The following LARP6 variants were observed in gnomAD, a reference collection of about 807,000 sequenced individuals.
LARP6 encodes the protein La ribonucleoprotein 6, translational regulator, also known as la-related protein 6.
A neutral mutation model predicts 32.8 loss-of-function variants in LARP6; 18 were observed. The observed-to-expected ratio is 0.55, with a 90% CI of 0.38 to 0.81. LARP6 has a LOEUF of 0.81. Ranked by LOEUF, LARP6 falls within the 40% of genes least tolerant of loss-of-function variation. The pLI is 0.00. For missense variants in LARP6, 598 were observed against 663.1 expected, an observed-to-expected ratio of 0.90 and a Z score of 1.08; for synonymous variants, 289 against 267.2, an observed-to-expected ratio of 1.08 and a Z score of -0.80.
intron 1 of LARP6, chr15:70,853,135 G>A (rs1011346095): frequency 2.0e-5 from 3 of 152,158 alleles, no homozygotes; most frequent in Admixed American, 2.0e-4. Context: ...GAGCCAAGGT[G>A]CCTGAGGACA....
rs1229664168 is a variant in LARP6, at chr15:70,849,965, AC to A, written c.200+3923del. On this transcript the variant is annotated intron_variant, in intron 1 of 2. Transcript: ENST00000299213. ...TAGAGCAATGCTGGCTAATAAGTGT[AC>A]AAAAAATGTGAAAATTAGAAAATCC... is the stretch of plus-strand genomic sequence containing the variant. Among the ~76,000 whole-genome samples, 5 of 152,242 alleles carry A rather than the reference AC, an allele frequency of 3.3e-5. No homozygotes were observed. In the South Asian group the frequency reaches 1.0e-3, roughly 32 times the overall value.
At chr15:70,841,838 A>C (rs1046896122) in intron 1 of LARP6, among the ~76,000 whole-genome samples, 2 of 152,136 alleles carry the variant, frequency 1.3e-5, no homozygotes, top group African/African-American at 2.4e-5. Context: ...GCCAAGAGCC[A>C]ATCAAGCCTC....
Position 70,832,208 on chromosome 15 carries a change from C to G in LARP6, c.1320G>C (p.Glu440Asp). The G allele has an allele frequency of 1.9e-6, 3 of 1,613,614 alleles. No homozygotes were observed. The highest frequency in any genetic ancestry group is 2.5e-6 in the Non-Finnish European group (3 of 1,179,830). ...CGGGGCTTTTCTCCTGGGTCCCCAT[C>G]TCGGCTTGGCGACGCCTCCGGACCC... is the stretch of plus-strand genomic sequence containing the variant. Reference protein sequence around the residue: ...SPWVRRRRQAEMGTQEKSPGT... With the variant: ...SPWVRRRRQADMGTQEKSPGT... The change falls in exon 3 of 3, where the codon GAG becomes GAC. Residue 440 changes from glutamate (E) to aspartate (D), a missense_variant. By Grantham distance (45) the Glu-to-Asp change is conservative (BLOSUM62 2). Coordinates refer to ENST00000299213, the MANE Select transcript of LARP6 (RefSeq NM_018357.4).
chr15:70,833,201 T>G, intron 2 of LARP6, 85 bp from the exon 3 acceptor site: 1 of 1,080,284 alleles, frequency 9.3e-7, no homozygotes, highest in African/African-American at 1.5e-5. Flanking sequence ...CCTCACTTCC[T>G]TATCCCTGTA....
At chr15:70,838,468 T>C (rs2032186611) in intron 1 of LARP6, among the ~76,000 whole-genome samples, 1 of 152,202 alleles carries the variant, frequency 6.6e-6, no homozygotes, top group African/African-American at 2.4e-5. Context: ...CCAGTATACA[T>C]AATACCTTAT....
At chr15:70,837,438 C>T (rs574028734) in intron 1 of LARP6, among the ~76,000 whole-genome samples, 7 of 152,226 alleles carry the variant, frequency 4.6e-5, no homozygotes, top group Admixed American at 3.9e-4. Context: ...ATATATGTGG[C>T]GCTCTGCCAC....
chr15:70,837,732 T>C (rs2032174209), intron 1 of LARP6, among the ~76,000 whole-genome samples: 1 of 152,216 alleles, frequency 6.6e-6, no homozygotes, highest in African/African-American at 2.4e-5. Flanking sequence ...GCCATCTGCC[T>C]TGGCCTCCCA....
chr15:70,851,823 C>G (rs1441776248), intron 1 of LARP6: 1 of 1,568,074 alleles, frequency 6.4e-7, no homozygotes, highest in East Asian at 2.3e-5. Flanking sequence ...ACAGCCAGCT[C>G]TGGGGTGGGG....
At position 70,854,025 on chromosome 15, in the gene LARP6, T is replaced by C; in HGVS notation, c.64A>G (p.Ile22Val). 6.9e-7 allele frequency: 1 copy of C among 1,453,942 alleles called. No individual in the cohort carries two copies. The highest frequency in any genetic ancestry group is 1.3e-5 in the South Asian group (1 of 74,348). The allele number at this position is 1,453,942 out of a possible 1,614,324, so 90.1% of individuals were successfully genotyped here. The change falls in exon 1 of 3, where the codon ATC (isoleucine) becomes GTC (valine). Residue 22 changes from isoleucine (I) to valine (V), a missense_variant. Ile to Val is a conservative substitution (Grantham distance 29, BLOSUM62 3). Coordinates refer to ENST00000299213, the MANE Select transcript of LARP6 (RefSeq NM_018357.4). ...PKTAVQIRVA[I>V]QEAEDVDELE... is the part of the protein sequence containing the mutation. ...TCGTCCACGTCCTCGGCCTCCTGGATGGCGACGCGGATCTGCACCGCCGTC... is the reference window on the plus strand; with the variant it reads ...TCGTCCACGTCCTCGGCCTCCTGGACGGCGACGCGGATCTGCACCGCCGTC...
In LARP6 at chr15:70,830,270, T is replaced by A. The variant is rs2032016556; in HGVS notation, c.*1782A>T. The A allele has an allele frequency of 6.6e-6, 1 of 152,268 alleles. No homozygotes were observed. Among genetic ancestry groups the A allele is most frequent in the East Asian group, 1.9e-4 (1 of 5,204 alleles). The allele number at this position is 152,268 out of a possible 1,614,324, so 9.4% of individuals were successfully genotyped here. A position where few individuals can be genotyped will look rare whatever the true frequency, so the allele number is the denominator to read the frequency against. On this transcript the variant is annotated 3_prime_UTR_variant, in exon 3 of 3. Transcript: ENST00000299213. The stretch of plus-strand genomic sequence containing the variant: ...CTAATTTGTATAGAGCCATATCATT[T>A]AGGATATACTATCTTTGTCCATTTT...
intron 1 of LARP6, among the ~76,000 whole-genome samples, chr15:70,838,578 C>T (rs1398292774): frequency 6.6e-6 from 1 of 152,188 alleles, no homozygotes; most frequent in South Asian, 2.1e-4. Context: ...CCTGGGTAGA[C>T]TTCCTCCTCT....
rs1226220022 is a variant in LARP6 at position 70,853,928 on chromosome 15, C to T, written c.161G>A (p.Trp54Ter). The change falls in exon 1 of 3, where the codon TGG (tryptophan) becomes TAG (stop). Residue 54 changes from tryptophan (W) to a stop codon, truncating the protein, a stop_gained. Transcript: ENST00000299213. LOFTEE classifies it high-confidence loss of function. ...CGGCTCCTCCTCGCTCGCGCTGCCC[C>T]AGCCGGGGCTGAGGTACCGGGCCGG... ...GDPARYLSPG[W>*]GSASEEEPSR... 1 of 1,414,474 alleles carries T rather than the reference C, an allele frequency of 7.1e-7. No individual in the cohort carries two copies. Among genetic ancestry groups the T allele is most frequent in the South Asian group, 1.5e-5 (1 of 68,236 alleles). 87.6% of individuals were successfully genotyped at this position (1,414,474 alleles called of 1,614,324 possible). A position where few individuals can be genotyped will look rare whatever the true frequency, so the allele number is the denominator to read the frequency against.
intron 1 of LARP6, chr15:70,851,593 G>T: frequency 6.3e-7 from 1 of 1,595,876 alleles, no homozygotes; most frequent in Non-Finnish European, 8.5e-7. Context: ...CAACACCATT[G>T]AGTGAGTGTG....
intron 1 of LARP6, among the ~76,000 whole-genome samples, chr15:70,839,612 TCG>T (rs2032214704): frequency 6.6e-6 from 1 of 152,190 alleles, no homozygotes; most frequent in African/African-American, 2.4e-5. Flanking sequence ...AGACAGAGTC[TCG>T]CTCTGTCGCC....
At chr15:70,851,727 G>T (rs2141060316) in intron 1 of LARP6, 1 of 1,614,096 alleles carries the variant, frequency 6.2e-7, no homozygotes, top group East Asian at 2.2e-5. Flanking sequence ...ATTCCTGTGA[G>T]GGAGACACAA....
Position 70,850,929 on chromosome 15 carries a change from AT to A in LARP6, c.200+2959del, listed in dbSNP as rs1224786250. 5.3e-5 allele frequency among the ~76,000 whole-genome samples: 8 copies of A among 152,300 alleles called. 1 individual carries two copies. In the South Asian group the frequency reaches 1.7e-3, roughly 32 times the overall value. On this transcript the variant is annotated intron_variant, in intron 1 of 2. Coordinates refer to ENST00000299213, the MANE Select transcript of LARP6 (RefSeq NM_018357.4). ...AATAGCAAAGCATTAGGGAAAAAAA[AT>A]GGTGGAAATTTCTAGATTAATAGAG...
At position 70,832,339 on chromosome 15, in the gene LARP6, G is replaced by A. The variant is rs1323559927; in HGVS notation, c.1189C>T (p.Pro397Ser). 6.2e-7 allele frequency: 1 copy of A among 1,614,218 alleles called. No individual in the cohort carries two copies. The change falls in exon 3 of 3, where the codon CCA becomes TCA. Residue 397 changes from proline to serine, a missense_variant. Pro to Ser is a moderately conservative substitution (Grantham distance 74, BLOSUM62 -1). Coordinates refer to ENST00000299213, the MANE Select transcript of LARP6 (RefSeq NM_018357.4). ...AQRKGVSRKS[P>S]LAEEGRLNCS... ...TTCAGTCTACCTTCCTCCGCCAGTG[G>A]GGACTTTCTGGAAACGCCTTTGCGT...
chr15:70,841,292 C>T (rs2032254458), intron 1 of LARP6, among the ~76,000 whole-genome samples: 1 of 152,210 alleles, frequency 6.6e-6, no homozygotes, highest in Non-Finnish European at 1.5e-5. Flanking sequence ...GTCTGCTTTA[C>T]TGCCTGCAGA....
At chr15:70,836,539 C>T in intron 1 of LARP6, 34 bp from the exon 2 acceptor site, 8 of 1,562,730 alleles carry the variant, frequency 5.1e-6, no homozygotes, top group Non-Finnish European at 7.1e-6. Context: ...GTGTTAGGGT[C>T]AACGTTGAAC....
Sources: gnomAD v4.1 joint callset for allele counts (sites outside exome capture counted in the v4.1 genomes callset) on GRCh38, gnomAD v4.1.1 for gene constraint, MANE v1.5 for transcripts, NCBI Gene and HGNC (gene_info 2026-07-23, HGNC 2026-07-21) for gene names.